The following LRCH1 variants were observed in gnomAD, a reference collection of about 807,000 sequenced individuals.
LRCH1 encodes the protein leucine rich repeats and calponin homology domain containing 1, also known as leucine-rich repeat and calponin homology domain-containing protein 1.
In LRCH1, 23 loss-of-function variants were observed where a neutral mutation model predicts 94.9. That is an observed-to-expected ratio of 0.24 (90% CI 0.17 to 0.34). LRCH1 has a LOEUF of 0.34. LRCH1 is among the 10% of genes least tolerant of loss of function. The pLI is 1.00. For synonymous variants in LRCH1, 364 were observed against 354.9 expected (o/e 1.03, Z -0.29); for missense variants, 790 against 945.9 (o/e 0.84, Z 2.16).
chr13:46,722,664 A>G (rs550605706), intron 16 of LRCH1, among the ~76,000 whole-genome samples: 16 of 152,308 alleles, frequency 1.1e-4, no homozygotes, highest in African/African-American at 3.8e-4. Context: ...TCATCTCCAA[A>G]GGGCTAACTT....
chr13:46,693,950 G>A (rs761577464), intron 8 of LRCH1, among the ~76,000 whole-genome samples: 3 of 152,120 alleles, frequency 2.0e-5, no homozygotes, highest in Non-Finnish European at 4.4e-5. Flanking sequence ...TCAAACCTTA[G>A]TGTTGGCTTT....
chr13:46,709,512 C>T (rs543962997), intron 13 of LRCH1, among the ~76,000 whole-genome samples: 3 of 152,312 alleles, frequency 2.0e-5, no homozygotes, highest in Middle Eastern at 3.4e-3. Context: ...ACAGAATGTA[C>T]CAGGTCCAAC....
At position 46,723,258 on chromosome 13, in the gene LRCH1, C is replaced by A. The variant is rs760295636; in HGVS notation, c.1797C>A (p.Asp599Glu). ...CTCAGAGAAATTTGGAATCTATAGA[C>A]CCGCAGTTTACAATCCGGAGGAAAA... is the stretch of plus-strand genomic sequence containing the variant. ...LRPQRNLESI[D>E]PQFTIRRKME... Residue 599 changes from aspartate (D) to glutamate (E), a missense_variant, in exon 17 of 20, where the codon GAC becomes GAA. By Grantham distance (45) the Asp-to-Glu change is conservative (BLOSUM62 2). Around this residue, in one of 3 missense-constraint regions of LRCH1, gnomAD observed 460 missense variants for 508.9 expected, o/e 0.90. Coordinates refer to ENST00000389797, the MANE Select transcript of LRCH1 (RefSeq NM_001164211.2). 5.0e-6 allele frequency: 8 copies of A among 1,613,628 alleles called. No homozygotes were observed. Among genetic ancestry groups the A allele is most frequent in the Non-Finnish European group, 5.9e-6 (7 of 1,179,664 alleles).
At chr13:46,688,103 C>T (rs966006355) in intron 6 of LRCH1, 124 bp downstream of exon 6, 2 of 965,126 alleles carry the variant, frequency 2.1e-6, no homozygotes, top group East Asian at 2.8e-5. Context: ...CAAAGCAAAA[C>T]AGAACAATTT....
At chr13:46,602,986 A>G (rs9670233) in intron 1 of LRCH1, among the ~76,000 whole-genome samples, 154 of 151,058 alleles carry the variant, frequency 1.0e-3, no homozygotes, top group Middle Eastern at 3.4e-3. Flanking sequence ...ATGCATACAT[A>G]CATACATACA....
chr13:46,703,848 T>C (rs1334690507), intron 11 of LRCH1, among the ~76,000 whole-genome samples: 1 of 152,000 alleles, frequency 6.6e-6, no homozygotes, highest in African/African-American at 2.4e-5. Flanking sequence ...TTAGAAAAAC[T>C]GGAAGGAAAT....
chr13:46,717,334 T>C (rs1872372003), intron 16 of LRCH1: 1 of 152,220 alleles, frequency 6.6e-6, no homozygotes, highest in Non-Finnish European at 1.5e-5. Context: ...CTTGCAATAG[T>C]TATTTTTTCT....
intron 1 of LRCH1, among the ~76,000 whole-genome samples, chr13:46,577,600 A>G (rs762482697): frequency 7.9e-5 from 12 of 152,238 alleles, no homozygotes; most frequent in Admixed American, 3.3e-4. Flanking sequence ...GAAGGAATGA[A>G]TGAAATGAAT....
chr13:46,715,197 G>A (rs767657859), intron 15 of LRCH1, among the ~76,000 whole-genome samples: 2 of 152,222 alleles, frequency 1.3e-5, no homozygotes, highest in African/African-American at 2.4e-5. Context: ...TTTGAGGAAC[G>A]TATCTGGCAG....
chr13:46,715,772 T>G (rs1872289858), intron 16 of LRCH1, 108 bp downstream of exon 16: 1 of 709,570 alleles, frequency 1.4e-6, no homozygotes, highest in Non-Finnish European at 2.5e-6. Context: ...CCTGCATGCT[T>G]GGTATGAGAA....
At chr13:46,681,514 T>C (rs1048377526) in intron 3 of LRCH1, among the ~76,000 whole-genome samples, 1 of 152,234 alleles carries the variant, frequency 6.6e-6, no homozygotes, top group Non-Finnish European at 1.5e-5. Context: ...AGCTGGCGAA[T>C]GCTACTAATG....
rs142911677 is a variant in LRCH1 at position 46,618,723 on chromosome 13, A to G, written c.308-31478A>G. On this transcript the variant is annotated intron_variant, in intron 1 of 19. Coordinates refer to ENST00000389797, the MANE Select transcript of LRCH1 (RefSeq NM_001164211.2). ...AAAATAGAACAACTTCCATCACTAC[A>G]AAAGATAGTGTACTCGGAGGAACTT... Among the ~76,000 whole-genome samples the G allele has an allele frequency of 3.8e-3, 577 of 152,312 alleles. 4 individuals carry two copies. Among genetic ancestry groups the G allele is most frequent in the African/African-American group, 0.013 (560 of 41,564 alleles).
At chr13:46,586,444 C>G (rs1353557732) in intron 1 of LRCH1, among the ~76,000 whole-genome samples, 2 of 152,136 alleles carry the variant, frequency 1.3e-5, no homozygotes, top group African/African-American at 4.8e-5. Flanking sequence ...GAGACAGGGT[C>G]TCCCTCTGTC....
intron 1 of LRCH1, among the ~76,000 whole-genome samples, chr13:46,593,283 C>CCT (rs2050521428): frequency 1.1e-5 from 1 of 92,202 alleles, no homozygotes; most frequent in Admixed American, 1.3e-4. Flanking sequence ...TCTTTCTTTC[C>CCT]TTTTTTTTTT....
intron 4 of LRCH1, among the ~76,000 whole-genome samples, chr13:46,682,926 T>C (rs1436160988): frequency 6.6e-6 from 1 of 152,212 alleles, no homozygotes; most frequent in Non-Finnish European, 1.5e-5. Context: ...GGGTAGTGGA[T>C]CTGCATTTGG....
intron 1 of LRCH1, among the ~76,000 whole-genome samples, chr13:46,625,562 GCTCCTTGAGCCCGGA>G (rs2050936129): frequency 6.6e-6 from 1 of 150,986 alleles, no homozygotes; most frequent in Admixed American, 6.6e-5. Context: ...TAATCTGCTT[GCTCCTTGAGCCCGGA>G]CTCCTTGAGC....
At chr13:46,749,658 T>A (rs938146497), downstream of LRCH1, among the ~76,000 whole-genome samples, 15 of 152,180 alleles carry the variant, frequency 9.9e-5, no homozygotes, top group African/African-American at 3.4e-4. Flanking sequence ...AACATTGGGC[T>A]GTGGAAAACA....
chr13:46,644,389 T>C (rs2051195541), intron 1 of LRCH1, among the ~76,000 whole-genome samples: 1 of 152,254 alleles, frequency 6.6e-6, no homozygotes, highest in Admixed American at 6.5e-5. Context: ...TTTCAAAATT[T>C]AAACTCCTTG....
intron 1 of LRCH1, among the ~76,000 whole-genome samples, chr13:46,600,041 G>A (rs1225904732): frequency 6.6e-6 from 1 of 152,104 alleles, no homozygotes; most frequent in East Asian, 1.9e-4. Context: ...TTAAAAAATA[G>A]CACCCAGCTA....
Sources: gnomAD v4.1 joint callset for allele counts (sites outside exome capture counted in the v4.1 genomes callset) on GRCh38, gnomAD v4.1.1 for gene constraint, gnomAD v4.1.1 regional missense constraint, MANE v1.5 for transcripts, NCBI Gene and HGNC (gene_info 2026-07-23, HGNC 2026-07-21) for gene names.